EVC2: variants seen among roughly 807,000 people sequenced by gnomAD.
EVC2 encodes the protein limbin.
A neutral mutation model predicts 149.3 loss-of-function variants in EVC2; 148 were observed. The ratio of observed to expected loss-of-function variants is 0.99; its 90% CI spans 0.87 to 1.14. EVC2 has a LOEUF of 1.14. Among genes scored for constraint, EVC2 ranks in the 50% most tolerant of loss-of-function variants. The pLI, the probability that EVC2 is intolerant of heterozygous loss-of-function variation, is 0.00. For missense variants in EVC2, 1,854 were observed against 1,627.3 expected, an observed-to-expected ratio of 1.14 and a Z score of -2.40; for synonymous variants, 776 against 649.9, an observed-to-expected ratio of 1.19 and a Z score of -2.95.
At chr4:5,663,450 T>C (rs1719039894) in intron 8 of EVC2, among the ~76,000 whole-genome samples, 1 of 152,226 alleles carries the variant, frequency 6.6e-6, no homozygotes, top group Non-Finnish European at 1.5e-5. Flanking sequence ...ATAATTCTAC[T>C]AGCCCTGCAT....
chr4:5,648,939 T>C (rs753827391), intron 9 of EVC2, among the ~76,000 whole-genome samples: 6 of 152,204 alleles, frequency 3.9e-5, no homozygotes, highest in Non-Finnish European at 8.8e-5. Flanking sequence ...AAACAAATAC[T>C]AAGAATTCTT....
chr4:5,621,999 G>T (rs887572293), intron 14 of EVC2, among the ~76,000 whole-genome samples: 1 of 152,118 alleles, frequency 6.6e-6, no homozygotes, highest in Non-Finnish European at 1.5e-5. Context: ...AAATGGACCA[G>T]GGATGAAAGG....
At chr4:5,581,383 G>C (rs568110223) in intron 17 of EVC2, among the ~76,000 whole-genome samples, 51 of 152,304 alleles carry the variant, frequency 3.3e-4, no homozygotes, top group African/African-American at 1.2e-3. Context: ...TTGTGATATG[G>C]ACAATGAATT....
intron 10 of EVC2, among the ~76,000 whole-genome samples, chr4:5,639,620 A>G (rs1166467577): frequency 6.6e-6 from 1 of 152,202 alleles, no homozygotes; most frequent in Non-Finnish European, 1.5e-5. Flanking sequence ...AGGAGCAGAG[A>G]TGGAATGTAC....
intron 16 of EVC2, among the ~76,000 whole-genome samples, chr4:5,586,261 G>C (rs1210460207): frequency 1.3e-5 from 2 of 152,024 alleles, no homozygotes; most frequent in Non-Finnish European, 2.9e-5. Flanking sequence ...CCCTCCCTTT[G>C]TTGCTTTATT....
chr4:5,583,030 T>C (rs1711942521), intron 17 of EVC2, among the ~76,000 whole-genome samples: 1 of 152,180 alleles, frequency 6.6e-6, no homozygotes, highest in Admixed American at 6.5e-5. Context: ...CTCTTTCCTT[T>C]ATAAATTACC....
At chr4:5,664,963 T>C (rs1415508120) in intron 8 of EVC2, among the ~76,000 whole-genome samples, 2 of 139,732 alleles carry the variant, frequency 1.4e-5, no homozygotes, top group African/African-American at 5.4e-5. Context: ...GTGTGGGTGA[T>C]GGGGTGCGTG....
intron 7 of EVC2, among the ~76,000 whole-genome samples, chr4:5,671,377 G>A (rs1577233294): frequency 6.6e-6 from 1 of 152,184 alleles, no homozygotes; most frequent in South Asian, 2.1e-4. Flanking sequence ...ACCTTTTGGG[G>A]GTGAGGGAGT....
chr4:5,704,433 G>A (rs1303566855), intron 1 of EVC2, among the ~76,000 whole-genome samples: 1 of 152,128 alleles, frequency 6.6e-6, no homozygotes, highest in Admixed American at 6.5e-5. Flanking sequence ...TTTCGGTTCT[G>A]CCTTGGTGCA....
intron 16 of EVC2, among the ~76,000 whole-genome samples, chr4:5,591,994 T>C (rs1408489634): frequency 1.3e-5 from 2 of 152,224 alleles, no homozygotes; most frequent in Non-Finnish European, 2.9e-5. Context: ...AAACATATAA[T>C]AAAGTCTACC....
downstream of EVC2, among the ~76,000 whole-genome samples, chr4:5,539,137 G>T (rs1029785826): frequency 6.6e-6 from 1 of 152,044 alleles, no homozygotes; most frequent in Non-Finnish European, 1.5e-5. Context: ...AAATCAATTG[G>T]ATTTCTATGA....
chr4:5,621,926 C>T (rs1715715162), intron 14 of EVC2, among the ~76,000 whole-genome samples: 1 of 152,100 alleles, frequency 6.6e-6, no homozygotes, highest in Non-Finnish European at 1.5e-5. Context: ...TCCACTGCAT[C>T]CTACTCAGAA....
Position 5,691,831 on chromosome 4 carries a change from T to C in EVC2, c.451-498A>G, listed in dbSNP as rs569541523. On this transcript the variant is annotated intron_variant, in intron 3 of 21. Transcript: ENST00000344408. ...TGCTTGGCCTCCTCCAGCCCTGCAA[T>C]GGCTCCTACGAAAAGGTTCCAAAGG... is the stretch of plus-strand genomic sequence containing the variant. Among the ~76,000 whole-genome samples the C allele has an allele frequency of 3.9e-5, 6 of 152,308 alleles. No homozygotes were observed. The East Asian group carries it at 1.2e-3, about 29-fold the overall frequency.
In EVC2 at chr4:5,631,539, G is replaced by A. The variant is rs73198179; in HGVS notation, c.1710+254C>T. Among the ~76,000 whole-genome samples the A allele has an allele frequency of 3.8e-3, 575 of 149,688 alleles. 4 individuals carry two copies. The highest frequency in any genetic ancestry group is 6.7e-3 in the Non-Finnish European group (453 of 67,436). On this transcript the variant is annotated intron_variant, in intron 11 of 21. Transcript: ENST00000344408. ...CGAAACTAAGGCTCAAAGAAGTGAG[G>A]TAACTTGCTCAAGTTCACGCAGTAG...
At chr4:5,555,916 A>C (rs765800643) in intron 21 of EVC2, among the ~76,000 whole-genome samples, 7 of 152,160 alleles carry the variant, frequency 4.6e-5, no homozygotes, top group Non-Finnish European at 8.8e-5. Flanking sequence ...GTGGTGGCTC[A>C]TTCCTGTAAT....
At chr4:5,542,979 C>G (rs1367524832) in intron 22 of EVC2, 1 of 418,642 alleles carries the variant, frequency 2.4e-6, no homozygotes, top group African/African-American at 2.1e-5. Context: ...TCCTCCCACA[C>G]TTCTCCCCTC....
At chr4:5,680,721 T>A (rs1486539913) in intron 7 of EVC2, among the ~76,000 whole-genome samples, 1 of 152,238 alleles carries the variant, frequency 6.6e-6, no homozygotes, top group African/African-American at 2.4e-5. Context: ...TAATTCCACA[T>A]AAGTAAATTG....
At chr4:5,574,268 A>T (rs1456907586) in intron 19 of EVC2, among the ~76,000 whole-genome samples, 1 of 152,230 alleles carries the variant, frequency 6.6e-6, no homozygotes, top group Non-Finnish European at 1.5e-5. Flanking sequence ...ACTCTGGCCA[A>T]GGATGAGAAA....
chr4:5,620,884 G>T (rs553341500), intron 14 of EVC2, among the ~76,000 whole-genome samples: 11 of 152,326 alleles, frequency 7.2e-5, no homozygotes, highest in South Asian at 6.2e-4. Flanking sequence ...CATGAGAAGA[G>T]AATTTTCTGG....
Sources: allele counts gnomAD v4.1 joint callset (sites outside exome capture counted in the v4.1 genomes callset), GRCh38; gene constraint gnomAD v4.1.1; transcripts MANE v1.5; gene names NCBI Gene and HGNC (gene_info 2026-07-23, HGNC 2026-07-21).